The following UBXN1 variants were observed in gnomAD, a reference collection of about 807,000 sequenced individuals.
The protein encoded by UBXN1 is UBX domain-containing protein 1.
Under a neutral mutation model 42.0 loss-of-function variants are expected in UBXN1, and 21 were observed. That is an observed-to-expected ratio of 0.50 (90% CI 0.35 to 0.72). UBXN1 has a LOEUF of 0.72. Ranked by LOEUF, UBXN1 falls within the 30% of genes least tolerant of loss-of-function variation. The pLI is 0.00. For synonymous variants in UBXN1, 172 were observed against 142.6 expected (o/e 1.21, Z -1.47); for missense variants, 374 against 382.2 (o/e 0.98, Z 0.18).
Position 62,676,558 on chromosome 11 carries a change from G to C in UBXN1, c.*32C>G. ...ATGTCAGTGCTTTATCAAAGATGAA[G>C]GGGTCACAGAGGGACAATGGGACAA... On this transcript the variant is annotated 3_prime_UTR_variant, in exon 9 of 9. Transcript: ENST00000301935. 1 of 1,565,176 alleles carries C rather than the reference G, an allele frequency of 6.4e-7. No homozygotes were observed. Among genetic ancestry groups the C allele is most frequent in the Non-Finnish European group, 8.6e-7 (1 of 1,158,526 alleles).
At position 62,678,336 on chromosome 11, in the gene UBXN1, T is replaced by C. The variant is rs761083702; in HGVS notation, c.290+3A>G. On this transcript the variant is annotated splice_donor_region_variant and intron_variant, in intron 4 of 8. Transcript: ENST00000301935. Reference sequence around the variant, plus strand: ...CAGACACGTGAGATTGTTGTTACTGTACCTCTTAGTTTGTTCCTGTCTTTC... The same window carrying C: ...CAGACACGTGAGATTGTTGTTACTGCACCTCTTAGTTTGTTCCTGTCTTTC... The C allele has an allele frequency of 6.2e-7, 1 of 1,614,208 alleles. No homozygotes were observed. The highest frequency in any genetic ancestry group is 1.1e-5 in the South Asian group (1 of 91,084).
At chr11:62,677,385 A>G (rs1423016612) in intron 7 of UBXN1, 133 bp downstream of exon 7, 1 of 909,258 alleles carries the variant, frequency 1.1e-6, no homozygotes, top group South Asian at 1.5e-5. Context: ...GAGTAGAGAT[A>G]GGATTTCAAA....
intron 7 of UBXN1, 37 bp downstream of exon 7, chr11:62,677,481 G>A (rs1945039081): frequency 2.5e-6 from 4 of 1,605,440 alleles, no homozygotes; most frequent in African/African-American, 1.3e-5. Flanking sequence ...ACGGAACAAA[G>A]GGGTCCCAAG....
rs778616559 is a variant in UBXN1, at chr11:62,678,834, C to T, written c.59+31G>A. On this transcript the variant is annotated intron_variant, in intron 1 of 8. Transcript: ENST00000301935. ...CGAGACAGGTCCGCGACCCCCCACA[C>T]CCGCAGGCCGGGGTTGGGGAACTCC... 4.4e-6 allele frequency: 7 copies of T among 1,608,868 alleles called. No homozygotes were observed. The East Asian group carries it at 1.1e-4, about 26-fold the overall frequency.
chr11:62,677,943 C>A lies in UBXN1; in HGVS notation c.466G>T (p.Glu156Ter). Residue 156 changes from glutamate to a stop codon, truncating the protein, a stop_gained, in exon 5 of 9, where the codon GAG (glutamate) becomes TAG (stop). Transcript: ENST00000301935. LOFTEE classifies it high-confidence loss of function. Reference sequence around the variant, plus strand: ...TGCCCAGACCTGGCTGCTAACTCCTCGGCCTTTTCCCTCCGCCTCTCCTCA... The same window carrying A: ...TGCCCAGACCTGGCTGCTAACTCCTAGGCCTTTTCCCTCCGCCTCTCCTCA... ...AAEERRREKA[E>*]ELAARQRVRE... The A allele has an allele frequency of 6.2e-7, 1 of 1,613,954 alleles. No homozygotes were observed. The highest frequency in any genetic ancestry group is 8.5e-7 in the Non-Finnish European group (1 of 1,179,840).
Position 62,678,130 on chromosome 11 carries a change from AG to A in UBXN1, c.291-13del. The A allele has an allele frequency of 6.2e-7, 1 of 1,612,990 alleles. No homozygotes were observed. The highest frequency in any genetic ancestry group is 8.5e-7 in the Non-Finnish European group (1 of 1,179,260). ...CCAGCTCCAACATCCTGTGTTGCCG[AG>A]GGAAAACAGTTCAAGAGAAATGGAC... On this transcript the variant is annotated splice_polypyrimidine_tract_variant and intron_variant, in intron 4 of 8. Transcript: ENST00000301935.
rs1337814863 is a variant in UBXN1, at chr11:62,678,396, G to A, written c.233C>T (p.Ala78Val). 1.2e-6 allele frequency: 2 copies of A among 1,614,146 alleles called. No homozygotes were observed. Among genetic ancestry groups the A allele is most frequent in the East Asian group, 4.5e-5 (2 of 44,882 alleles). The change falls in exon 4 of 9, where the codon GCT becomes GTT. Residue 78 changes from alanine (A) to valine (V), a missense_variant. Ala to Val is a moderately conservative substitution (Grantham distance 64). Transcript: ENST00000301935. ...CAAAGCGGGTTTGCCTTCTCCGGCA[G>A]CAGAACCAGATCCTACAAACAAACA... ...EQGGLEGSGS[A>V]AGEGKPALSE... is the part of the protein sequence containing the mutation.
At position 62,678,522 on chromosome 11, in the gene UBXN1, T is replaced by A. The variant is rs1238431197; in HGVS notation, c.193A>T (p.Thr65Ser). ...PLGHILGREP[T>S]SSEQGGLEGS... is the part of the protein sequence containing the mutation. ...TCAAGGCCGCCTTGCTCTGAGGAAG[T>A]GGGCTCCCGTCCCAGGATATGTCCA... Residue 65 changes from threonine (T) to serine (S), a missense_variant, in exon 3 of 9, where the codon ACT becomes TCT. Physicochemically the swap from Thr to Ser is moderately conservative, Grantham distance 58. Coordinates refer to ENST00000301935, the MANE Select transcript of UBXN1 (RefSeq NM_001286077.2). 1.2e-6 allele frequency: 2 copies of A among 1,611,378 alleles called. No individual in the cohort carries two copies. Among genetic ancestry groups the A allele is most frequent in the African/African-American group, 2.7e-5 (2 of 74,750 alleles).
chr11:62,677,378 TAG>T (rs1427819430), intron 7 of UBXN1, 138 bp downstream of exon 7: 4 of 865,120 alleles, frequency 4.6e-6, no homozygotes, highest in Non-Finnish European at 7.5e-6. Flanking sequence ...TTCCCAAGAG[TAG>T]AGATAGGATT....
At chr11:62,677,902 T>C (rs778125769) in intron 5 of UBXN1, 25 bp downstream of exon 5, 2 of 1,614,144 alleles carry the variant, frequency 1.2e-6, no homozygotes, top group Admixed American at 3.3e-5. Flanking sequence ...TCTCATCTGC[T>C]ATCCATCATT....
At position 62,677,412 on chromosome 11, in the gene UBXN1, G is replaced by A. The variant is rs1397373328; in HGVS notation, c.651+106C>T. On this transcript the variant is annotated intron_variant, in intron 7 of 8. Coordinates refer to ENST00000301935, the MANE Select transcript of UBXN1 (RefSeq NM_001286077.2). ...GATTTCAAAAGTCATTTACAAAGAA[G>A]GGAGAGATTTGGCAAAGGGCACGTT... 9 of 1,096,748 alleles carry A rather than the reference G, an allele frequency of 8.2e-6. No homozygotes were observed. In the East Asian group the frequency reaches 1.2e-4, roughly 14 times the overall value. The allele number at this position is 1,096,748 out of a possible 1,614,324, so 67.9% of individuals were successfully genotyped here.
rs1945061939 is a variant in UBXN1, at chr11:62,678,092, T to A, written c.317A>T (p.Gln106Leu). 1 of 1,614,062 alleles carries A rather than the reference T, an allele frequency of 6.2e-7. No individual in the cohort carries two copies. The highest frequency in any genetic ancestry group is 8.5e-7 in the Non-Finnish European group (1 of 1,180,034). ...TTCCTCTCTTTCTTCACGCTCCCGCTGCTTCTGGGCCACCAGCTCCAACAT... is the reference window on the plus strand; with the variant it reads ...TTCCTCTCTTTCTTCACGCTCCCGCAGCTTCTGGGCCACCAGCTCCAACAT... ...KRMLELVAQK[Q>L]REREEREERE... is the part of the protein sequence containing the mutation. The change falls in exon 5 of 9, where the codon CAG (glutamine) becomes CTG (leucine). Residue 106 changes from glutamine (Q) to leucine (L), a missense_variant. Gln to Leu is a moderately radical substitution (Grantham distance 113). Coordinates refer to ENST00000301935, the MANE Select transcript of UBXN1 (RefSeq NM_001286077.2).
intron 7 of UBXN1, 143 bp downstream of exon 7, chr11:62,677,375 G>T: frequency 1.2e-6 from 1 of 851,076 alleles, no homozygotes; most frequent in Non-Finnish European, 1.9e-6. Context: ...CCTTTCCCAA[G>T]AGTAGAGATA....
At chr11:62,678,161 T>C in intron 4 of UBXN1, 43 bp from the exon 5 acceptor site, 1 of 1,608,292 alleles carries the variant, frequency 6.2e-7, no homozygotes, top group Non-Finnish European at 8.5e-7. Context: ...ATGGACAGAG[T>C]GGGAAGGTGT....
rs929518533 is a variant in UBXN1 at position 62,676,969 on chromosome 11, A to C, written c.688T>G (p.Phe230Val). ...LPDGTSLTQT[F>V]RAREQLAAVR... The stretch of plus-strand genomic sequence containing the variant: ...GCTGCCAGCTGTTCCCGGGCCCGGA[A>C]CGTCTGGGTCAGTGAGGTCCCATCT... Residue 230 changes from phenylalanine to valine, a missense_variant, in exon 8 of 9, where the codon TTC becomes GTC. Coordinates refer to ENST00000301935, the MANE Select transcript of UBXN1 (RefSeq NM_001286077.2). 1.2e-6 allele frequency: 2 copies of C among 1,611,760 alleles called. No individual in the cohort carries two copies. The highest frequency in any genetic ancestry group is 8.5e-7 in the Non-Finnish European group (1 of 1,180,032).
chr11:62,677,449 GCT>G, intron 7 of UBXN1, 67 bp downstream of exon 7: 3 of 1,504,120 alleles, frequency 2.0e-6, no homozygotes, highest in Non-Finnish European at 2.8e-6. Flanking sequence ...ACTGAAAAAA[GCT>G]CTGAGCTGGG....
intron 7 of UBXN1, chr11:62,677,254 A>C: frequency 1.6e-6 from 1 of 612,460 alleles, no homozygotes; most frequent in Non-Finnish European, 2.8e-6. Context: ...ATACCACATC[A>C]CCAGATAGCT....
chr11:62,677,344 T>C, intron 7 of UBXN1, 174 bp downstream of exon 7: 2 of 711,140 alleles, frequency 2.8e-6, no homozygotes, highest in Non-Finnish European at 4.8e-6. Context: ...TAAATACAAC[T>C]GGGGCAGGTG....
chr11:62,678,835 C>T lies in UBXN1; in HGVS notation c.59+30G>A, dbSNP rs544182674. The T allele has an allele frequency of 1.6e-4, 252 of 1,609,008 alleles. 2 individuals carry two copies. The South Asian group carries it at 1.8e-3, about 12-fold the overall frequency. On this transcript the variant is annotated intron_variant, in intron 1 of 8. Coordinates refer to ENST00000301935, the MANE Select transcript of UBXN1 (RefSeq NM_001286077.2). ...GAGACAGGTCCGCGACCCCCCACACCCGCAGGCCGGGGTTGGGGAACTCCC... is the reference window on the plus strand; with the variant it reads ...GAGACAGGTCCGCGACCCCCCACACTCGCAGGCCGGGGTTGGGGAACTCCC...
Sources: allele counts gnomAD v4.1 joint callset, GRCh38; gene constraint gnomAD v4.1.1; transcripts MANE v1.5; gene names NCBI Gene and HGNC (gene_info 2026-07-23, HGNC 2026-07-21).